Variants in SLC27A4 observed in about 807,000 individuals in gnomAD.
SLC27A4 encodes long-chain fatty acid transport protein 4.
SLC27A4 carries 33 observed loss-of-function variants against 64.4 expected under a neutral mutation model. The observed-to-expected ratio is 0.51, with a 90% CI of 0.39 to 0.68. The LOEUF is 0.68. Among genes scored for constraint, SLC27A4 ranks in the 30% least tolerant of loss-of-function variants. SLC27A4 has a pLI of 0.00. For synonymous variants in SLC27A4, 377 were observed against 370.0 expected (o/e 1.02, Z -0.22); for missense variants, 824 against 883.5 (o/e 0.93, Z 0.85).
chr9:128,341,729 G>A (rs139434696), intron 1 of SLC27A4, among the ~76,000 whole-genome samples: 1 of 152,200 alleles, frequency 6.6e-6, no homozygotes, highest in African/African-American at 2.4e-5. Flanking sequence ...GTGGGGAGTC[G>A]AGCCAGAGAC....
At chr9:128,342,678 G>A in intron 1 of SLC27A4, 1 of 346,406 alleles carries the variant, frequency 2.9e-6, no homozygotes, top group Non-Finnish European at 5.7e-6. Flanking sequence ...AGTTTAATCA[G>A]AGTGCCATTT....
chr9:128,343,063 G>T (rs907849850), intron 1 of SLC27A4, 64 bp from the exon 2 acceptor site: 177 of 1,595,562 alleles, frequency 1.1e-4, no homozygotes, highest in East Asian at 4.5e-5. Context: ...TGGCTGTCTG[G>T]GCTGGGAGGT....
rs765311079 is a variant in SLC27A4, at chr9:128,355,458, C to T, written c.1523C>T (p.Thr508Met). The change falls in exon 11 of 13, where the codon ACG (threonine) becomes ATG (methionine). Residue 508 changes from threonine (T) to methionine (M), a missense_variant. Physicochemically the swap from Thr to Met is moderately conservative, Grantham distance 81. Coordinates refer to ENST00000300456, the MANE Select transcript of SLC27A4 (RefSeq NM_005094.4). ...TACTTCCGAGACCGCACTGGGGACA[C>T]GTTCCGCTGGAAAGGTGAGAACGTG... ...YLYFRDRTGD[T>M]FRWKGENVST... 5.0e-6 allele frequency: 8 copies of T among 1,613,566 alleles called. No individual in the cohort carries two copies. The highest frequency in any genetic ancestry group is 3.3e-5 in the Admixed American group (2 of 60,014).
chr9:128,360,052 C>T (rs914294142), intron 12 of SLC27A4, among the ~76,000 whole-genome samples: 2 of 152,218 alleles, frequency 1.3e-5, no homozygotes, highest in Non-Finnish European at 2.9e-5. Flanking sequence ...TCTGCTGTCA[C>T]TCAGCATGTG....
intron 6 of SLC27A4, among the ~76,000 whole-genome samples, chr9:128,351,924 C>T (rs1002465212): frequency 1.5e-4 from 23 of 151,504 alleles, no homozygotes; most frequent in African/African-American, 4.9e-4. Context: ...TGGTGGCTCA[C>T]GCCTGTAATC....
At position 128,350,336 on chromosome 9, in the gene SLC27A4, C is replaced by G; in HGVS notation, c.740C>G (p.Ser247Cys). 2 of 1,613,198 alleles carry G rather than the reference C, an allele frequency of 1.2e-6. No individual in the cohort carries two copies. The highest frequency in any genetic ancestry group is 1.7e-6 in the Non-Finnish European group (2 of 1,180,014). ...FTDKLFYIYT[S>C]GTTGLPKAAI... is the part of the protein sequence containing the mutation. ...GATAAACTGTTCTACATCTACACAT[C>G]CGGCACCACAGGGCTGCCCAAGGCC... The change falls in exon 5 of 13, where the codon TCC (serine) becomes TGC (cysteine). Residue 247 changes from serine (S) to cysteine (C), a missense_variant. Coordinates refer to ENST00000300456, the MANE Select transcript of SLC27A4 (RefSeq NM_005094.4).
At position 128,353,216 on chromosome 9, in the gene SLC27A4, G is replaced by A; in HGVS notation, c.1179G>A (p.Leu393=). 1.2e-6 allele frequency: 2 copies of A among 1,614,084 alleles called. No homozygotes were observed. The highest frequency in any genetic ancestry group is 2.2e-5 in the South Asian group (2 of 91,086). Residue 393 remains leucine (L), a synonymous_variant, in exon 8 of 13, where the codon CTG becomes CTA. Coordinates refer to ENST00000300456, the MANE Select transcript of SLC27A4 (RefSeq NM_005094.4). This position sits in a 1 kb window ranked among gnomAD's most constrained non-coding sequence, Gnocchi z 4.9. ...FYGATECNCS[L]GNFDSQVGAC... Reference sequence around the variant, plus strand: ...GGGCCACAGAGTGCAACTGTAGCCTGGGCAACTTCGACAGCCAGGTGCGGC... The same window carrying A: ...GGGCCACAGAGTGCAACTGTAGCCTAGGCAACTTCGACAGCCAGGTGCGGC...
chr9:128,342,960 A>G (rs1385594083), intron 1 of SLC27A4, among the ~76,000 whole-genome samples, 167 bp from the exon 2 acceptor site: 2 of 152,118 alleles, frequency 1.3e-5, no homozygotes, highest in Non-Finnish European at 2.9e-5. Context: ...TGCCCCTTCC[A>G]GGCCAAGCCT....
At position 128,348,661 on chromosome 9, in the gene SLC27A4, G is replaced by T; in HGVS notation, c.673G>T (p.Ala225Ser). The change falls in exon 4 of 13, where the codon GCT (alanine) becomes TCT (serine). Residue 225 changes from alanine to serine, a missense_variant. Ala to Ser is a moderately conservative substitution (Grantham distance 99). Coordinates refer to ENST00000300456, the MANE Select transcript of SLC27A4 (RefSeq NM_005094.4). ...TEHLDPLLKD[A>S]PKHLPSCPDK... ...ACACCTGGACCCTCTGCTGAAAGAT[G>T]CTCCCAAGCACCTTCCCAGTTGCCC... 6.2e-7 allele frequency: 1 copy of T among 1,614,096 alleles called. No homozygotes were observed. The highest frequency in any genetic ancestry group is 8.5e-7 in the Non-Finnish European group (1 of 1,180,048).
intron 4 of SLC27A4, among the ~76,000 whole-genome samples, chr9:128,349,623 G>A: frequency 6.6e-6 from 1 of 152,134 alleles, no homozygotes; most frequent in East Asian, 1.9e-4. Context: ...ATAGTGCCTA[G>A]GGCTGGCAAA....
Position 128,360,711 on chromosome 9 carries a change from T to A in SLC27A4, c.*220T>A. On this transcript the variant is annotated 3_prime_UTR_variant, in exon 13 of 13. Transcript: ENST00000300456. ...CATGTCCAAGTTCCGTCTTCTGGGC[T>A]GGGCAGGCCCTCTGGTTCCCAGGCT... 1.7e-6 allele frequency: 1 copy of A among 574,468 alleles called. No homozygotes were observed. The highest frequency in any genetic ancestry group is 3.1e-6 in the Non-Finnish European group (1 of 321,722). 35.6% of individuals were successfully genotyped at this position (574,468 alleles called of 1,614,324 possible). A position where few individuals can be genotyped will look rare whatever the true frequency, so the allele number is the denominator to read the frequency against.
intron 4 of SLC27A4, 56 bp from the exon 5 acceptor site, chr9:128,350,256 A>T: frequency 6.8e-7 from 1 of 1,469,408 alleles, no homozygotes; most frequent in Non-Finnish European, 9.5e-7. Flanking sequence ...CATTTGTGTG[A>T]CCCTTTGCCC....
At chr9:128,358,552 T>A (rs1256123458) in intron 12 of SLC27A4, among the ~76,000 whole-genome samples, 1 of 152,236 alleles carries the variant, frequency 6.6e-6, no homozygotes, top group African/African-American at 2.4e-5. Context: ...CAAGTGATTC[T>A]CCTGTCTCAG....
Position 128,355,714 on chromosome 9 carries a change from C to T in SLC27A4, c.1692C>T (p.Arg564=), listed in dbSNP as rs565010380. 1.2e-6 allele frequency: 2 copies of T among 1,613,560 alleles called. No homozygotes were observed. The highest frequency in any genetic ancestry group is 4.5e-5 in the East Asian group (2 of 44,878). ...CCACTGGCAACTGTGACCTGGAGCGCTTTGCTCAGGTCTTGGAGAAGGAAC... is the reference window on the plus strand; with the variant it reads ...CCACTGGCAACTGTGACCTGGAGCGTTTTGCTCAGGTCTTGGAGAAGGAAC... ...ASPTGNCDLE[R]FAQVLEKELP... is the part of the protein sequence containing the mutation. The change falls in exon 12 of 13, where the codon CGC becomes CGT. Residue 564 remains arginine, a synonymous_variant. Coordinates refer to ENST00000300456, the MANE Select transcript of SLC27A4 (RefSeq NM_005094.4).
At chr9:128,355,291 G>C in intron 10 of SLC27A4, 101 bp downstream of exon 10, 2 of 1,600,314 alleles carry the variant, frequency 1.2e-6, no homozygotes, top group East Asian at 2.2e-5. Context: ...CCCAGTCCTG[G>C]CCCTTGTGGT....
At chr9:128,342,392 T>C (rs1188223409) in intron 1 of SLC27A4, 3 of 1,608,876 alleles carry the variant, frequency 1.9e-6, no homozygotes, top group Non-Finnish European at 1.7e-6. Context: ...CAATATGCAT[T>C]GTACATTCCA....
chr9:128,345,006 A>G lies in SLC27A4; in HGVS notation c.162-149A>G. 4.8e-6 allele frequency: 4 copies of G among 832,538 alleles called. No homozygotes were observed. The highest frequency in any genetic ancestry group is 1.6e-5 in the South Asian group (1 of 62,262). The allele number at this position is 832,538 out of a possible 1,614,324, so 51.6% of individuals were successfully genotyped here. ...TTGAGAGGCATCAGTAAGGCAGTGC[A>G]TGTTCCCAGCAGGAGCCAGGAGATA... On this transcript the variant is annotated intron_variant, in intron 2 of 12. Transcript: ENST00000300456. This position sits in a 1 kb window ranked among gnomAD's most constrained non-coding sequence, Gnocchi z 4.1.
intron 1 of SLC27A4, 35 bp from the exon 2 acceptor site, chr9:128,343,092 G>T: frequency 6.2e-7 from 1 of 1,611,522 alleles, no homozygotes; most frequent in Non-Finnish European, 8.5e-7. Flanking sequence ...TGGAGGGTTG[G>T]GTGTTTGGGT....
intron 3 of SLC27A4, 115 bp from the exon 4 acceptor site, chr9:128,348,430 C>T: frequency 1.5e-6 from 2 of 1,336,220 alleles, no homozygotes; most frequent in East Asian, 2.3e-5. Flanking sequence ...GCTTCACTGC[C>T]TCTCCTCCTG....
Sources: allele counts gnomAD v4.1 joint callset (sites outside exome capture counted in the v4.1 genomes callset), GRCh38; gene constraint gnomAD v4.1.1; non-coding constraint Gnocchi (gnomAD v3.1); transcripts MANE v1.5; gene names NCBI Gene and HGNC (gene_info 2026-07-23, HGNC 2026-07-21).